Variants in MPHOSPH8 observed in about 807,000 individuals in gnomAD.
The protein encoded by MPHOSPH8 is M-phase phosphoprotein 8.
In MPHOSPH8, 45 loss-of-function variants were observed where a neutral mutation model predicts 87.3. The observed-to-expected ratio is 0.52, with a 90% CI of 0.41 to 0.66. The LOEUF (loss-of-function observed/expected upper bound fraction) is 0.66. Ranked by LOEUF, MPHOSPH8 falls within the 30% of genes least tolerant of loss-of-function variation. MPHOSPH8 has a pLI of 0.00. For synonymous variants in MPHOSPH8, 366 were observed against 376.9 expected (o/e 0.97, Z 0.33); for missense variants, 883 against 1,020.2 (o/e 0.87, Z 1.83).
chr13:19,642,013 T>G, intron 1 of MPHOSPH8, 102 bp from the exon 2 acceptor site: 1 of 1,062,744 alleles, frequency 9.4e-7, no homozygotes, highest in Non-Finnish European at 1.3e-6. Flanking sequence ...AGAAGCAATT[T>G]TCAAGTTCTT....
chr13:19,661,502 A>G (rs757620617), intron 7 of MPHOSPH8, among the ~76,000 whole-genome samples, 196 bp from the exon 8 acceptor site: 36 of 152,350 alleles, frequency 2.4e-4, no homozygotes, highest in Middle Eastern at 3.4e-3. Context: ...ATTTTATGCA[A>G]ACATTCATAT....
intron 3 of MPHOSPH8, 81 bp downstream of exon 3, chr13:19,647,372 C>T (rs1324430722): frequency 1.6e-5 from 21 of 1,285,664 alleles, no homozygotes; most frequent in Non-Finnish European, 2.0e-5. Flanking sequence ...AACAGTCAAG[C>T]TATAAGAAAG....
At chr13:19,645,325 G>C (rs1002780056) in intron 2 of MPHOSPH8, among the ~76,000 whole-genome samples, 2 of 152,182 alleles carry the variant, frequency 1.3e-5, no homozygotes, top group African/African-American at 4.8e-5. Context: ...AAAACCAAAA[G>C]CTGTCTGTGG....
chr13:19,668,243 G>T (rs150832724), intron 10 of MPHOSPH8, 134 bp from the exon 11 acceptor site: 1,076 of 697,052 alleles, frequency 1.5e-3, no homozygotes, highest in Non-Finnish European at 2.3e-3. Context: ...GGTGGAAGTA[G>T]AGCTGGAAAG....
At chr13:19,662,734 T>A (rs570872844) in intron 8 of MPHOSPH8, among the ~76,000 whole-genome samples, 77 of 152,396 alleles carry the variant, frequency 5.1e-4, no homozygotes, top group African/African-American at 1.8e-3. Context: ...GTATTTGTAT[T>A]CCTTTTGGTT....
Position 19,648,481 on chromosome 13 carries a change from CAAGG to C in MPHOSPH8, c.1282_1285del (p.Glu428LysfsTer10), listed in dbSNP as rs1874683735. On this transcript the variant is annotated frameshift_variant, in exon 4 of 14. Transcript: ENST00000361479. LOFTEE classifies it high-confidence loss of function. ...AATATCAGAAAAGGCATGATTCTGA[CAAGG>C]AAGAAAAAGGCAGAAAAGAGCCAAA... 1.9e-6 allele frequency: 3 copies of C among 1,582,318 alleles called. No individual in the cohort carries two copies. The highest frequency in any genetic ancestry group is 1.8e-5 in the Admixed American group (1 of 54,956).
At chr13:19,671,134 C>T (rs1876104244) in intron 12 of MPHOSPH8, 72 bp from the exon 13 acceptor site, 7 of 1,559,778 alleles carry the variant, frequency 4.5e-6, no homozygotes, top group Non-Finnish European at 6.0e-6. Flanking sequence ...GATTCTTTTA[C>T]ATCATTGGTG....
chr13:19,655,949 C>CA (rs1396580793), intron 5 of MPHOSPH8, among the ~76,000 whole-genome samples: 2 of 152,044 alleles, frequency 1.3e-5, no homozygotes, highest in East Asian at 1.9e-4. Flanking sequence ...TCCACTTCTA[C>CA]AAAAAATACA....
intron 5 of MPHOSPH8, among the ~76,000 whole-genome samples, chr13:19,652,015 T>A (rs1418174887): frequency 1.3e-5 from 2 of 152,012 alleles, no homozygotes; most frequent in East Asian, 3.9e-4. Flanking sequence ...GGCAGGAGAA[T>A]CGCTTGAACC....
intron 1 of MPHOSPH8, among the ~76,000 whole-genome samples, chr13:19,636,371 T>G (rs1345660329): frequency 1.3e-5 from 2 of 152,230 alleles, no homozygotes; most frequent in Admixed American, 6.5e-5. Flanking sequence ...GTATGAATAA[T>G]TAACATAAGA....
At chr13:19,645,537 C>T (rs552138310) in intron 2 of MPHOSPH8, among the ~76,000 whole-genome samples, 5 of 152,044 alleles carry the variant, frequency 3.3e-5, no homozygotes, top group African/African-American at 1.2e-4. Flanking sequence ...TTTGGGAGGC[C>T]GAGAGGTCAG....
At chr13:19,667,595 G>A (rs1471876633) in intron 10 of MPHOSPH8, among the ~76,000 whole-genome samples, 4 of 151,750 alleles carry the variant, frequency 2.6e-5, no homozygotes, top group Admixed American at 2.0e-4. Context: ...CAGAACAGGT[G>A]GAATCACACA....
Position 19,661,737 on chromosome 13 carries a change from G to A in MPHOSPH8, c.1831G>A (p.Gly611Arg), listed in dbSNP as rs201521390. 8.8e-5 allele frequency: 141 copies of A among 1,610,822 alleles called. No individual in the cohort carries two copies. The highest frequency in any genetic ancestry group is 3.1e-4 in the South Asian group (28 of 90,672). The part of the protein sequence containing the change: ...GMTLVMLAAA[G>R]GQDDLLRLLI... ...GACACTGGTGATGCTTGCCGCCGCCGGAGGGCAGGACGACCTCCTGCGACT... is the reference window on the plus strand; with the variant it reads ...GACACTGGTGATGCTTGCCGCCGCCAGAGGGCAGGACGACCTCCTGCGACT... The change falls in exon 8 of 14, where the codon GGA (glycine) becomes AGA (arginine). Residue 611 changes from glycine to arginine, a missense_variant. Physicochemically the swap from Gly to Arg is moderately radical, Grantham distance 125. Transcript: ENST00000361479.
Position 19,647,252 on chromosome 13 carries a change from G to C in MPHOSPH8, c.1179G>C (p.Gly393=). The C allele has an allele frequency of 6.2e-7, 1 of 1,610,776 alleles. No individual in the cohort carries two copies. The highest frequency in any genetic ancestry group is 8.5e-7 in the Non-Finnish European group (1 of 1,179,088). ...AQTPKGRRLS[G]EERGLWSTDS... ...CGCCAAAGGGCCGGAGGTTGAGCGG[G>C]GAAGAGAGAGGCCTCTGGTCCACGG... is the stretch of plus-strand genomic sequence containing the variant. The change falls in exon 3 of 14, where the codon GGG becomes GGC. Residue 393 remains glycine, a synonymous_variant. Coordinates refer to ENST00000361479, the MANE Select transcript of MPHOSPH8 (RefSeq NM_017520.4).
Position 19,668,489 on chromosome 13 carries a change from T to A in MPHOSPH8, c.2287T>A (p.Ser763Thr). The change falls in exon 11 of 14, where the codon TCA (serine) becomes ACA (threonine). Residue 763 changes from serine (S) to threonine (T), a missense_variant. Physicochemically the swap from Ser to Thr is moderately conservative, Grantham distance 58. Coordinates refer to ENST00000361479, the MANE Select transcript of MPHOSPH8 (RefSeq NM_017520.4). ...TCGACTCTGTGAGGGTCCAGATTTT[T>A]CAACAGATTTCAATTACAAACCCCC... Reference protein sequence around the residue: ...CHRLCEGPDFSTDFNYKPPQN... With the variant: ...CHRLCEGPDFTTDFNYKPPQN... The A allele has an allele frequency of 6.2e-7, 1 of 1,614,188 alleles. No individual in the cohort carries two copies. The highest frequency in any genetic ancestry group is 8.5e-7 in the Non-Finnish European group (1 of 1,180,034).
chr13:19,651,207 T>C (rs936931098), intron 5 of MPHOSPH8, among the ~76,000 whole-genome samples: 1 of 152,094 alleles, frequency 6.6e-6, no homozygotes, highest in Admixed American at 6.5e-5. Context: ...ATGAAAGAAT[T>C]CTATGAGCAA....
At position 19,650,384 on chromosome 13, in the gene MPHOSPH8, C is replaced by T. The variant is rs111655958; in HGVS notation, c.1576+124C>T. 6 of 1,112,178 alleles carry T rather than the reference C, an allele frequency of 5.4e-6. No homozygotes were observed. The African/African-American group carries it at 6.3e-5, about 12-fold the overall frequency. The allele number at this position is 1,112,178 out of a possible 1,614,324, so 68.9% of individuals were successfully genotyped here. On this transcript the variant is annotated intron_variant, in intron 5 of 13. Transcript: ENST00000361479. Reference sequence around the variant, plus strand: ...ATGGAGTCGAAGAGTTTATTTGGATCTCCTGAATAAATAACATTTTATATT... The same window carrying T: ...ATGGAGTCGAAGAGTTTATTTGGATTTCCTGAATAAATAACATTTTATATT...
chr13:19,637,506 CACAA>C (rs1455777017), intron 1 of MPHOSPH8, among the ~76,000 whole-genome samples: 1 of 152,068 alleles, frequency 6.6e-6, no homozygotes, highest in Non-Finnish European at 1.5e-5. Context: ...TATGCACACA[CACAA>C]ACAAGGATCA....
At chr13:19,664,849 T>C (rs962928598) in intron 9 of MPHOSPH8, among the ~76,000 whole-genome samples, 7 of 152,096 alleles carry the variant, frequency 4.6e-5, no homozygotes, top group Non-Finnish European at 1.0e-4. Context: ...GGTTTGTTGC[T>C]GTCCAGCTCT....
Sources: allele counts gnomAD v4.1 joint callset (sites outside exome capture counted in the v4.1 genomes callset), GRCh38; gene constraint gnomAD v4.1.1; transcripts MANE v1.5; gene names NCBI Gene and HGNC (gene_info 2026-07-23, HGNC 2026-07-21).